Variants in RASAL2 observed in about 807,000 individuals in gnomAD.
RASAL2 encodes ras GTPase-activating protein nGAP.
A neutral mutation model predicts 128.9 loss-of-function variants in RASAL2; 58 were observed. The observed-to-expected ratio is 0.45, with a 90% CI of 0.36 to 0.56. The LOEUF is 0.56. Among genes scored for constraint, RASAL2 ranks in the 20% least tolerant of loss-of-function variants. The pLI is 0.00. For missense variants in RASAL2, 1,360 were observed against 1,601.6 expected, an observed-to-expected ratio of 0.85 and a Z score of 2.57; for synonymous variants, 561 against 580.8, an observed-to-expected ratio of 0.97 and a Z score of 0.49.
At position 178,102,003 on chromosome 1, in the gene RASAL2, T is replaced by C. The variant is rs372934108; in HGVS notation, c.202+7309T>C. On this transcript the variant is annotated intron_variant, in intron 1 of 17. Transcript: ENST00000367649. ...TAATTTCATAGTAATCCTTAAGAGA[T>C]AGACCAGAGGACAGATGAGATTTTT... Among the ~76,000 whole-genome samples the C allele has an allele frequency of 8.1e-5, 12 of 148,234 alleles. No homozygotes were observed. In the East Asian group the frequency reaches 1.4e-3, roughly 18 times the overall value.
intron 1 of RASAL2, among the ~76,000 whole-genome samples, chr1:178,248,456 G>A (rs1664881852): frequency 6.6e-6 from 1 of 152,056 alleles, no homozygotes; most frequent in Admixed American, 6.6e-5. Flanking sequence ...TGTGAGATAG[G>A]TCTCCTGAAT....
chr1:178,447,751 G>A (rs1465585063), intron 9 of RASAL2, among the ~76,000 whole-genome samples: 1 of 146,902 alleles, frequency 6.8e-6, no homozygotes, highest in Non-Finnish European at 1.5e-5. Context: ...AATCATGCAA[G>A]TAAGAATAGA....
intron 3 of RASAL2, among the ~76,000 whole-genome samples, chr1:178,383,919 T>G (rs139893867): frequency 1.5e-3 from 222 of 152,344 alleles, no homozygotes; most frequent in African/African-American, 5.1e-3. Context: ...TATGCCAAAA[T>G]TTCAGTGACT....
chr1:178,251,712 CT>C (rs1169283724), intron 1 of RASAL2, among the ~76,000 whole-genome samples: 1 of 152,144 alleles, frequency 6.6e-6, no homozygotes. Flanking sequence ...GATCAAGTGG[CT>C]ACTATGTGTA....
At chr1:178,325,137 T>C (rs948672836) in intron 3 of RASAL2, among the ~76,000 whole-genome samples, 1 of 152,236 alleles carries the variant, frequency 6.6e-6, no homozygotes, top group African/African-American at 2.4e-5. Context: ...ATTCATTTCA[T>C]TTTTTAAAAA....
At chr1:178,195,912 A>G (rs1235033245) in intron 1 of RASAL2, among the ~76,000 whole-genome samples, 2 of 152,146 alleles carry the variant, frequency 1.3e-5, no homozygotes, top group African/African-American at 2.4e-5. Context: ...CATACTATTC[A>G]TATATATTAC....
chr1:178,134,663 T>C (rs1660254355), intron 1 of RASAL2, among the ~76,000 whole-genome samples: 1 of 152,196 alleles, frequency 6.6e-6, no homozygotes, highest in Non-Finnish European at 1.5e-5. Context: ...GTGCCAAAAC[T>C]GTTGCTCCCA....
chr1:178,308,457 C>A (rs1668094527), intron 3 of RASAL2, among the ~76,000 whole-genome samples: 1 of 151,062 alleles, frequency 6.6e-6, no homozygotes, highest in Non-Finnish European at 1.5e-5. Context: ...AGAATATGTT[C>A]TCTAGGGTAT....
intron 14 of RASAL2, among the ~76,000 whole-genome samples, chr1:178,462,962 G>T (rs2102932181): frequency 6.6e-6 from 1 of 151,162 alleles, no homozygotes; most frequent in South Asian, 2.1e-4. Flanking sequence ...AAGTTTTAAA[G>T]TCTCTCCCAA....
chr1:178,247,828 G>T (rs1357148170), intron 1 of RASAL2, among the ~76,000 whole-genome samples: 1 of 151,972 alleles, frequency 6.6e-6, no homozygotes, highest in Admixed American at 6.6e-5. Context: ...CGTTATTTAC[G>T]CAGTAGTCAT....
intron 1 of RASAL2, among the ~76,000 whole-genome samples, chr1:178,255,163 A>G (rs1665269448): frequency 6.6e-6 from 1 of 152,168 alleles, no homozygotes; most frequent in Non-Finnish European, 1.5e-5. Context: ...ACTGAGACAA[A>G]TTGTCACCAG....
intron 5 of RASAL2, among the ~76,000 whole-genome samples, chr1:178,420,832 A>T (rs749708911): frequency 1.4e-4 from 21 of 152,328 alleles, no homozygotes; most frequent in Non-Finnish European, 2.2e-4. Flanking sequence ...GAGTTTGTGG[A>T]TACATAAAAA....
chr1:178,218,513 C>A (rs1663501314), intron 1 of RASAL2, among the ~76,000 whole-genome samples: 1 of 152,024 alleles, frequency 6.6e-6, no homozygotes, highest in Non-Finnish European at 1.5e-5. Context: ...ATGGTGAAAC[C>A]CCTTCTCTAC....
At position 178,400,475 on chromosome 1, in the gene RASAL2, G is replaced by A. The variant is rs945491812; in HGVS notation, c.564+10269G>A. Among the ~76,000 whole-genome samples the A allele has an allele frequency of 3.8e-4, 58 of 152,102 alleles. 1 individual carries two copies. Among genetic ancestry groups the A allele is most frequent in the East Asian group, 1.9e-4 (1 of 5,178 alleles). ...AGTGTACATTATCCATTATAGCACC[G>A]ACACTATTATATTGTAGGGTTGCCT... On this transcript the variant is annotated intron_variant, in intron 4 of 17. Coordinates refer to ENST00000367649, the MANE Select transcript of RASAL2 (RefSeq NM_170692.4).
intron 1 of RASAL2, among the ~76,000 whole-genome samples, chr1:178,157,106 A>G (rs1661110884): frequency 6.6e-6 from 1 of 152,272 alleles, no homozygotes; most frequent in East Asian, 1.9e-4. Context: ...GTTTTAAAAC[A>G]TTATATATTG....
rs570908084 is a variant in RASAL2, at chr1:178,460,852, C to T, written c.3252+2308C>T. On this transcript the variant is annotated intron_variant, in intron 14 of 17. Transcript: ENST00000367649. The stretch of plus-strand genomic sequence containing the variant: ...TTTTTGAAACAGAGTCTTGCTCTGT[C>T]GCCTAGGCTGGAGTGCAGTGGCACG... Among the ~76,000 whole-genome samples the T allele has an allele frequency of 5.9e-5, 9 of 152,058 alleles. No homozygotes were observed. The East Asian group carries it at 1.4e-3, about 23-fold the overall frequency.
chr1:178,374,011 AT>A (rs1197293167), intron 3 of RASAL2, among the ~76,000 whole-genome samples: 1 of 152,168 alleles, frequency 6.6e-6, no homozygotes, highest in African/African-American at 2.4e-5. Context: ...AAGGGCTACA[AT>A]AAGTTTAGTT....
intron 1 of RASAL2, among the ~76,000 whole-genome samples, chr1:178,235,593 C>T (rs556204320): frequency 1.3e-5 from 2 of 151,388 alleles, no homozygotes; most frequent in Admixed American, 6.6e-5. Context: ...CTAAGTGCTT[C>T]GTGTGCGTGT....
intron 5 of RASAL2, among the ~76,000 whole-genome samples, chr1:178,434,490 G>A (rs1372227383): frequency 6.6e-6 from 1 of 152,068 alleles, no homozygotes; most frequent in Non-Finnish European, 1.5e-5. Context: ...ATTACCAGCT[G>A]GTCCCATTAG....
Sources: allele counts gnomAD v4.1 joint callset (sites outside exome capture counted in the v4.1 genomes callset), GRCh38; gene constraint gnomAD v4.1.1; transcripts MANE v1.5; gene names NCBI Gene and HGNC (gene_info 2026-07-23, HGNC 2026-07-21).